Variants in KMT2C observed in about 807,000 individuals in gnomAD.
KMT2C encodes the protein lysine methyltransferase 2C, also known as histone-lysine N-methyltransferase 2C.
In KMT2C, 88 loss-of-function variants were observed where a neutral mutation model predicts 507.9. The observed-to-expected ratio is 0.17, with a 90% CI of 0.15 to 0.21. The LOEUF is 0.21. KMT2C is among the 10% of genes least tolerant of loss of function. KMT2C has a pLI of 1.00. For synonymous variants in KMT2C, 2,049 were observed against 2,080.8 expected, an observed-to-expected ratio of 0.98 and a Z score of 0.42; for missense variants, 4,954 against 5,957.8, an observed-to-expected ratio of 0.83 and a Z score of 5.55.
intron 55 of KMT2C, among the ~76,000 whole-genome samples, chr7:152,141,628 G>A (rs1233554415): frequency 3.3e-5 from 5 of 149,314 alleles, no homozygotes; most frequent in East Asian, 2.0e-4. Context: ...CAGAAGAATC[G>A]CTTGAACCTG....
chr7:152,178,866 G>C (rs1563269603), intron 37 of KMT2C, among the ~76,000 whole-genome samples: 1 of 152,134 alleles, frequency 6.6e-6, no homozygotes, highest in Non-Finnish European at 1.5e-5. Flanking sequence ...GTTTGGCTTT[G>C]ACTTTAGCCA....
At chr7:152,239,774 A>G (rs545618409) in intron 14 of KMT2C, among the ~76,000 whole-genome samples, 3 of 152,368 alleles carry the variant, frequency 2.0e-5, no homozygotes, top group Non-Finnish European at 4.4e-5. Context: ...AGGTAATTCA[A>G]TGGTGCATGC....
chr7:152,204,293 C>T (rs2129136563), intron 25 of KMT2C, among the ~76,000 whole-genome samples: 1 of 152,206 alleles, frequency 6.6e-6, no homozygotes, highest in South Asian at 2.1e-4. Context: ...GGAAGACTGT[C>T]TCAAAAACAA....
At chr7:152,282,596 C>A (rs796770742) in intron 6 of KMT2C, among the ~76,000 whole-genome samples, 1 of 151,924 alleles carries the variant, frequency 6.6e-6, no homozygotes, top group African/African-American at 2.4e-5. Flanking sequence ...GCCAATTATA[C>A]AAAGTACAAA....
intron 38 of KMT2C, among the ~76,000 whole-genome samples, chr7:152,175,208 C>T (rs761289959): frequency 2.1e-4 from 31 of 150,326 alleles, no homozygotes; most frequent in Non-Finnish European, 4.1e-4. Flanking sequence ...TGCAATGGTG[C>T]GATCTCGCCT....
Position 152,182,520 on chromosome 7 carries a change from C to T in KMT2C, c.5340G>A (p.Gln1780=), listed in dbSNP as rs1201259521. The T allele has an allele frequency of 1.2e-6, 2 of 1,613,538 alleles. No homozygotes were observed. The highest frequency in any genetic ancestry group is 1.7e-6 in the Non-Finnish European group (2 of 1,179,746). ...TQKLEQVKNE[Q]QQQQQQQFGS... is the part of the protein sequence containing the mutation. ...CAAATTGCTGTTGTTGCTGCTGCTG[C>T]TGCTCATTTTTCACCTGTTCAAGTT... is the stretch of plus-strand genomic sequence containing the variant. Residue 1780 remains glutamine, a synonymous_variant, in exon 36 of 59, where the codon CAG becomes CAA. Coordinates refer to ENST00000262189, the MANE Select transcript of KMT2C (RefSeq NM_170606.3).
chr7:152,295,439 C>G (rs1237529684), intron 6 of KMT2C, among the ~76,000 whole-genome samples: 1 of 152,174 alleles, frequency 6.6e-6, no homozygotes, highest in Non-Finnish European at 1.5e-5. Context: ...TCCATATACC[C>G]TCATAGTTTC....
intron 49 of KMT2C, among the ~76,000 whole-genome samples, chr7:152,151,857 A>G (rs2091651061): frequency 6.6e-6 from 1 of 152,250 alleles, no homozygotes; most frequent in Non-Finnish European, 1.5e-5. Context: ...AGAGATTACT[A>G]TTCAGTCTAA....
intron 1 of KMT2C, among the ~76,000 whole-genome samples, chr7:152,425,010 T>A (rs1271034533): frequency 3.3e-5 from 5 of 152,064 alleles, no homozygotes; most frequent in African/African-American, 7.2e-5. Context: ...TTAAAGTGAG[T>A]CACAGGGCTA....
intron 6 of KMT2C, among the ~76,000 whole-genome samples, chr7:152,297,055 C>CAGACAGACAGAGAGAGAGAGAGAGAG (rs1315629061): frequency 3.6e-5 from 3 of 84,406 alleles, no homozygotes; most frequent in Non-Finnish European, 6.8e-5. Flanking sequence ...GAAAGAAAGA[C>CAGACAGACAGAGAGAGAGAGAGAGAG]AGAGAGAGAG....
At position 152,330,597 on chromosome 7, in the gene KMT2C, T is replaced by G. The variant is rs756042944; in HGVS notation, c.389+4A>C. On this transcript the variant is annotated splice_donor_region_variant and intron_variant, in intron 3 of 58. Coordinates refer to ENST00000262189, the MANE Select transcript of KMT2C (RefSeq NM_170606.3). ...ATCCAATCCAGCTGCATTCATTCTC[T>G]AACCTGATTTTGGCTTCTACACCAA... 6.2e-7 allele frequency: 1 copy of G among 1,613,836 alleles called. No homozygotes were observed.
At chr7:152,405,256 C>T (rs2097601534) in intron 1 of KMT2C, among the ~76,000 whole-genome samples, 5 of 150,236 alleles carry the variant, frequency 3.3e-5, no homozygotes, top group African/African-American at 1.2e-4. Flanking sequence ...TTTAGTTTAA[C>T]TTCACTTTTT....
At chr7:152,304,208 T>C (rs1295355868) in intron 6 of KMT2C, among the ~76,000 whole-genome samples, 1 of 152,216 alleles carries the variant, frequency 6.6e-6, no homozygotes, top group African/African-American at 2.4e-5. Context: ...CTAGTTTCTA[T>C]GGCTCTCATA....
At position 152,137,086 on chromosome 7, in the gene KMT2C, A is replaced by G. The variant is rs1171458706; in HGVS notation, c.14644-162T>C. The G allele has an allele frequency of 2.5e-5, 15 of 610,018 alleles. No individual in the cohort carries two copies. In the Admixed American group the frequency reaches 3.3e-4, roughly 13 times the overall value. The allele number at this position is 610,018 out of a possible 1,614,324, so 37.8% of individuals were successfully genotyped here. ...ATGGGACCCTGGGGGAACCCTGAAAAGAGGCATTGTGCTTGCACAGAGGAA... is the reference window on the plus strand; with the variant it reads ...ATGGGACCCTGGGGGAACCCTGAAAGGAGGCATTGTGCTTGCACAGAGGAA... On this transcript the variant is annotated intron_variant, in intron 58 of 58. Transcript: ENST00000262189.
intron 34 of KMT2C, 91 bp from the exon 35 acceptor site, chr7:152,183,247 G>GA (rs1447918711): frequency 2.4e-5 from 26 of 1,079,280 alleles, no homozygotes; most frequent in Non-Finnish European, 3.1e-5. Flanking sequence ...TCAAATAAAA[G>GA]AAAAAAAAGT....
At chr7:152,171,000 T>G (rs2092937627) in intron 40 of KMT2C, among the ~76,000 whole-genome samples, 2 of 152,230 alleles carry the variant, frequency 1.3e-5, no homozygotes, top group Admixed American at 1.3e-4. Flanking sequence ...GCCAATTTTT[T>G]TAACCTTAAT....
At chr7:152,227,252 G>A (rs1465545469) in intron 18 of KMT2C, among the ~76,000 whole-genome samples, 4 of 152,174 alleles carry the variant, frequency 2.6e-5, no homozygotes, top group African/African-American at 7.2e-5. Flanking sequence ...CCTAGGTACT[G>A]GGGTTGTACT....
Position 152,162,640 on chromosome 7 carries a change from A to T in KMT2C, c.10937T>A (p.Val3646Glu). 1.2e-6 allele frequency: 2 copies of T among 1,614,216 alleles called. No individual in the cohort carries two copies. The highest frequency in any genetic ancestry group is 1.7e-6 in the Non-Finnish European group (2 of 1,180,034). The change falls in exon 43 of 59, where the codon GTG becomes GAG. Residue 3646 changes from valine (V) to glutamate (E), a missense_variant. By Grantham distance (121) the Val-to-Glu change is moderately radical. This residue lies in a region of KMT2C where 801 missense variants were observed against 751.2 expected (regional missense o/e 1.07). Coordinates refer to ENST00000262189, the MANE Select transcript of KMT2C (RefSeq NM_170606.3). ...TTGAGGAAGCTCACTGGGTGTGCTC[A>T]CTGCAGGAGTAGAGGTAGTTTCTGA... ...GISETTSTPA[V>E]STPSELPQQA...
At chr7:152,164,350 C>T (rs1040348640) in intron 42 of KMT2C, among the ~76,000 whole-genome samples, 26 of 149,338 alleles carry the variant, frequency 1.7e-4, no homozygotes, top group Non-Finnish European at 3.0e-4. Context: ...AGTGCAGTGG[C>T]GCGATCTCGG....
Sources: gnomAD v4.1 joint callset for allele counts (sites outside exome capture counted in the v4.1 genomes callset) on GRCh38, gnomAD v4.1.1 for gene constraint, gnomAD v4.1.1 regional missense constraint, MANE v1.5 for transcripts, NCBI Gene and HGNC (gene_info 2026-07-23, HGNC 2026-07-21) for gene names.